Variants in ERBB4 observed in about 807,000 individuals in gnomAD.
ERBB4 encodes receptor tyrosine-protein kinase erbB-4.
In ERBB4, 42 loss-of-function variants were observed where a neutral mutation model predicts 158.0. The observed-to-expected ratio is 0.27, with a 90% confidence interval of 0.21 to 0.34. The LOEUF is 0.34. Among genes scored for constraint, ERBB4 ranks in the 10% least tolerant of loss-of-function variants. The probability of loss-of-function intolerance (pLI) is 1.00; values close to 1 mark genes in which losing one functional copy is unlikely to be tolerated. For missense variants in ERBB4, 1,333 were observed against 1,624.1 expected (o/e 0.82, Z 3.08); for synonymous variants, 583 against 558.7 (o/e 1.04, Z -0.61).
rs761567660 is a variant in ERBB4 at position 212,322,706 on chromosome 2, G to A, written c.83-197803C>T. On this transcript the variant is annotated intron_variant, in intron 1 of 27. Transcript: ENST00000342788. Reference sequence around the variant, plus strand: ...GCCTAGATTACTGAGCCAGTAATCAGAGAAGTGGAATTCTACGAGGAACTC... The same window carrying A: ...GCCTAGATTACTGAGCCAGTAATCAAAGAAGTGGAATTCTACGAGGAACTC... Among the ~76,000 whole-genome samples the A allele has an allele frequency of 7.3e-5, 11 of 150,368 alleles. 1 individual carries two copies. The highest frequency in any genetic ancestry group is 1.0e-4 in the Non-Finnish European group (7 of 67,026).
intron 20 of ERBB4, among the ~76,000 whole-genome samples, chr2:211,550,594 T>TAA (rs1553564365): frequency 7.6e-5 from 11 of 145,270 alleles, no homozygotes; most frequent in African/African-American, 2.8e-4. Context: ...TATATATATA[T>TAA]AAATATATAG....
chr2:212,505,424 A>AT (rs1449758561), intron 1 of ERBB4, among the ~76,000 whole-genome samples: 1 of 149,740 alleles, frequency 6.7e-6, no homozygotes, highest in East Asian at 1.9e-4. Context: ...GAGAGTGAGT[A>AT]TTAAACATCA....
intron 2 of ERBB4, among the ~76,000 whole-genome samples, chr2:211,952,716 A>G (rs994922385): frequency 8.6e-5 from 13 of 152,008 alleles, no homozygotes; most frequent in Admixed American, 1.3e-4. Flanking sequence ...CTTCATCTTT[A>G]AGAAAGAGAT....
intron 1 of ERBB4, among the ~76,000 whole-genome samples, chr2:212,205,273 ACCT>A (rs1245594040): frequency 6.7e-6 from 1 of 149,878 alleles, no homozygotes; most frequent in African/African-American, 2.5e-5. Context: ...TGAGCCTCCC[ACCT>A]CAGCCTCCCA....
chr2:211,851,030 T>C (rs910923019), intron 3 of ERBB4, among the ~76,000 whole-genome samples: 2 of 151,942 alleles, frequency 1.3e-5, no homozygotes, highest in Non-Finnish European at 2.9e-5. Flanking sequence ...GCAGCTGATC[T>C]TAAATTGTCT....
intron 1 of ERBB4, among the ~76,000 whole-genome samples, chr2:212,329,384 T>C (rs1210177181): frequency 6.6e-6 from 1 of 152,102 alleles, no homozygotes; most frequent in Non-Finnish European, 1.5e-5. Context: ...CAATTTATAG[T>C]GCCAGAGAAC....
intron 3 of ERBB4, among the ~76,000 whole-genome samples, chr2:211,874,865 C>T (rs978196907): frequency 2.0e-5 from 3 of 151,708 alleles, no homozygotes; most frequent in African/African-American, 4.8e-5. Context: ...CACATTTTTC[C>T]TGCACAAAAC....
At chr2:211,598,047 C>G (rs1156949498) in intron 19 of ERBB4, among the ~76,000 whole-genome samples, 5 of 152,216 alleles carry the variant, frequency 3.3e-5, no homozygotes, top group Non-Finnish European at 4.4e-5. Flanking sequence ...ATCTGACATG[C>G]TTGGTGGCCT....
intron 3 of ERBB4, among the ~76,000 whole-genome samples, chr2:211,881,519 C>T (rs2078661416): frequency 7.6e-6 from 1 of 132,442 alleles, no homozygotes; most frequent in Admixed American, 9.6e-5. Context: ...TTTGTTAGCA[C>T]ATGTATGACA....
chr2:211,861,122 TTTTA>T lies in ERBB4; in HGVS notation c.422-72967_422-72964del, dbSNP rs1186712560. 1.5e-3 allele frequency among the ~76,000 whole-genome samples: 28 copies of T among 18,196 alleles called. 3 individuals are homozygous for T. The highest frequency in any genetic ancestry group is 6.8e-3 in the African/African-American group (25 of 3,702). 11.9% of individuals were successfully genotyped at this position (18,196 alleles called of 152,430 possible). ...TACATTATATATATTTATATATATA[TTTTA>T]TATATATATATATATATATATATAT... On this transcript the variant is annotated intron_variant, in intron 3 of 27. Coordinates refer to ENST00000342788, the MANE Select transcript of ERBB4 (RefSeq NM_005235.3).
chr2:212,273,313 C>G (rs1419541354), intron 1 of ERBB4, among the ~76,000 whole-genome samples: 5 of 151,636 alleles, frequency 3.3e-5, no homozygotes, highest in Non-Finnish European at 7.4e-5. Flanking sequence ...ACAGTTAGCC[C>G]AATTCATTGA....
intron 1 of ERBB4, among the ~76,000 whole-genome samples, chr2:212,194,156 G>A (rs1163347352): frequency 5.3e-5 from 8 of 151,866 alleles, no homozygotes; most frequent in Admixed American, 5.3e-4. Flanking sequence ...TGAAAATATT[G>A]AAGATTTATC....
At chr2:211,775,887 A>ATACT (rs2075861250) in intron 4 of ERBB4, among the ~76,000 whole-genome samples, 1 of 152,148 alleles carries the variant, frequency 6.6e-6, no homozygotes, top group Non-Finnish European at 1.5e-5. Context: ...TTTTATGTGT[A>ATACT]TACTTATGCT....
chr2:211,655,948 G>A (rs2071199222), intron 16 of ERBB4, among the ~76,000 whole-genome samples: 1 of 152,140 alleles, frequency 6.6e-6, no homozygotes, highest in Admixed American at 6.5e-5. Flanking sequence ...GATATATTAA[G>A]ATGACATATT....
chr2:211,550,500 C>T (rs1256094777), intron 20 of ERBB4, among the ~76,000 whole-genome samples: 1 of 150,198 alleles, frequency 6.7e-6, no homozygotes, highest in Non-Finnish European at 1.5e-5. Context: ...TTCTGGCTTT[C>T]CTGGGTCTCC....
intron 1 of ERBB4, among the ~76,000 whole-genome samples, chr2:212,371,005 A>C (rs1279565230): frequency 2.0e-5 from 3 of 152,192 alleles, no homozygotes; most frequent in Admixed American, 2.0e-4. Flanking sequence ...TATTTGAAGA[A>C]TCTCAAGATG....
intron 1 of ERBB4, among the ~76,000 whole-genome samples, chr2:212,373,634 A>C (rs369696387): frequency 6.6e-6 from 1 of 150,546 alleles, no homozygotes; most frequent in Admixed American, 6.7e-5. Flanking sequence ...TAAGGTATCA[A>C]GTTATAGTTC....
At chr2:212,496,595 A>G (rs1327355109) in intron 1 of ERBB4, among the ~76,000 whole-genome samples, 3 of 152,206 alleles carry the variant, frequency 2.0e-5, no homozygotes, top group Non-Finnish European at 4.4e-5. Flanking sequence ...AGACTACTAT[A>G]AGATAAAATT....
intron 8 of ERBB4, 147 bp from the exon 9 acceptor site, chr2:211,712,323 T>G: frequency 1.2e-6 from 1 of 802,726 alleles, no homozygotes; most frequent in South Asian, 1.8e-5. Context: ...AGTAAAATAA[T>G]TATTCATTCG....
Sources: gnomAD v4.1 joint callset for allele counts (sites outside exome capture counted in the v4.1 genomes callset) on GRCh38, gnomAD v4.1.1 for gene constraint, MANE v1.5 for transcripts, NCBI Gene and HGNC (gene_info 2026-07-23, HGNC 2026-07-21) for gene names.